The following KATNAL2 variants were observed in gnomAD, a reference collection of about 807,000 sequenced individuals.
KATNAL2 encodes the protein katanin p60 ATPase-containing subunit A-like 2.
KATNAL2 carries 52 observed loss-of-function variants against 76.3 expected under a neutral mutation model. The ratio of observed to expected loss-of-function variants is 0.68; its 90% confidence interval spans 0.55 to 0.86. The LOEUF (loss-of-function observed/expected upper bound fraction) is 0.86. Among genes scored for constraint, KATNAL2 ranks in the 40% least tolerant of loss-of-function variants. The probability of loss-of-function intolerance (pLI) is 0.00; values close to 1 mark genes in which losing one functional copy is unlikely to be tolerated. For missense variants in KATNAL2, 660 were observed against 668.9 expected, an observed-to-expected ratio of 0.99 and a Z score of 0.15; for synonymous variants, 243 against 244.2, an observed-to-expected ratio of 1.00 and a Z score of 0.05.
intron 6 of KATNAL2, among the ~76,000 whole-genome samples, chr18:47,056,214 G>A (rs1257832663): frequency 6.6e-6 from 1 of 152,120 alleles, no homozygotes; most frequent in Non-Finnish European, 1.5e-5. Flanking sequence ...AATAAAATAA[G>A]GTTTAAGCTC....
In KATNAL2 at chr18:47,058,309, A is replaced by G. The variant is rs1204117619; in HGVS notation, c.407A>G (p.Lys136Arg). The part of the protein sequence containing the change: ...QRPRSKTTAG[K>R]TGDTKSLNKE... The stretch of plus-strand genomic sequence containing the variant: ...CCCCGGTCCAAAACCACAGCGGGGA[A>G]GACAGGGGACACCAAATCGCTCAAT... The change falls in exon 7 of 18, where the codon AAG becomes AGG. Residue 136 changes from lysine (K) to arginine (R), a missense_variant. Transcript: ENST00000683218. The G allele has an allele frequency of 1.2e-6, 2 of 1,613,956 alleles. No individual in the cohort carries two copies. The highest frequency in any genetic ancestry group is 1.7e-5 in the Admixed American group (1 of 60,008).
At chr18:46,941,440 C>G (rs1431551298) in intron 1 of KATNAL2, among the ~76,000 whole-genome samples, 2 of 151,660 alleles carry the variant, frequency 1.3e-5, no homozygotes, top group Non-Finnish European at 2.9e-5. Flanking sequence ...TTTTCTCCAA[C>G]TAAAATTGGA....
intron 1 of KATNAL2, among the ~76,000 whole-genome samples, chr18:46,940,515 C>A (rs1383122884): frequency 6.6e-6 from 1 of 152,088 alleles, no homozygotes; most frequent in Non-Finnish European, 1.5e-5. Context: ...GGAGTTTTAA[C>A]AATATATATT....
intron 1 of KATNAL2, among the ~76,000 whole-genome samples, chr18:46,920,496 C>T (rs974227339): frequency 1.3e-5 from 2 of 152,184 alleles, no homozygotes; most frequent in Non-Finnish European, 2.9e-5. Context: ...TGCCTCTGTA[C>T]TGGCCAGTTT....
At chr18:46,955,800 A>T (rs1226791175) in intron 3 of KATNAL2, among the ~76,000 whole-genome samples, 1 of 151,798 alleles carries the variant, frequency 6.6e-6, no homozygotes, top group Non-Finnish European at 1.5e-5. Flanking sequence ...CAATCCTCCC[A>T]CTTCAGCCTT....
chr18:47,097,118 CAAAAAAAA>C, intron 15 of KATNAL2, among the ~76,000 whole-genome samples: 1 of 70,912 alleles, frequency 1.4e-5, no homozygotes, highest in East Asian at 3.5e-4. Context: ...GACCCTGGCT[CAAAAAAAA>C]AAAAAAAAAA....
At chr18:47,085,359 C>A (rs1410163123) in intron 15 of KATNAL2, among the ~76,000 whole-genome samples, 10 of 152,148 alleles carry the variant, frequency 6.6e-5, no homozygotes, top group Admixed American at 6.5e-4. Flanking sequence ...TCAAGCCAAG[C>A]TAACTTTGGG....
At chr18:46,928,715 G>A (rs955387487) in intron 1 of KATNAL2, among the ~76,000 whole-genome samples, 8 of 152,084 alleles carry the variant, frequency 5.3e-5, no homozygotes, top group Admixed American at 1.3e-4. Flanking sequence ...CCCCTGATAC[G>A]GAACATTTTC....
chr18:46,952,393 GTTTTTTTTTTT>G (rs35596537), intron 3 of KATNAL2, among the ~76,000 whole-genome samples: 4 of 64,408 alleles, frequency 6.2e-5, no homozygotes, highest in Non-Finnish European at 8.0e-5. Flanking sequence ...CTGCAGGTAT[GTTTTTTTTTTT>G]TTTTTTTTTT....
At chr18:47,100,390 A>C in intron 17 of KATNAL2, 34 bp downstream of exon 17, 1 of 1,554,358 alleles carries the variant, frequency 6.4e-7, no homozygotes, top group Non-Finnish European at 8.9e-7. Context: ...GTGTTCCAGG[A>C]ATTTGTGTAA....
chr18:47,033,677 G>T (rs373923800), intron 3 of KATNAL2: 7 of 1,614,066 alleles, frequency 4.3e-6, no homozygotes, highest in African/African-American at 2.7e-5. Flanking sequence ...CACTGCTGGC[G>T]CAGCGTCGGC....
Position 46,917,659 on chromosome 18 carries a change from G to T in KATNAL2, c.-777G>T. On this transcript the variant is annotated 5_prime_UTR_variant, in exon 1 of 18. Transcript: ENST00000683218. Reference sequence around the variant, plus strand: ...GCCCCGGCGTGCTGCCCCGCGGCTTGGCCCCGCTCGGCCCCAGGTCGTGCC... The same window carrying T: ...GCCCCGGCGTGCTGCCCCGCGGCTTTGCCCCGCTCGGCCCCAGGTCGTGCC... 1 of 638,980 alleles carries T rather than the reference G, an allele frequency of 1.6e-6. No homozygotes were observed. Among genetic ancestry groups the T allele is most frequent in the Non-Finnish European group, 2.0e-6 (1 of 511,538 alleles). The allele number at this position is 638,980 out of a possible 1,614,324, so 39.6% of individuals were successfully genotyped here.
intron 3 of KATNAL2, among the ~76,000 whole-genome samples, chr18:47,037,762 C>T (rs1471785326): frequency 6.6e-6 from 1 of 152,124 alleles, no homozygotes; most frequent in African/African-American, 2.4e-5. Flanking sequence ...TTTTATCACT[C>T]TTACCACAAA....
chr18:46,920,802 A>G (rs1404077609), intron 1 of KATNAL2, among the ~76,000 whole-genome samples: 1 of 152,150 alleles, frequency 6.6e-6, no homozygotes, highest in Admixed American at 6.5e-5. Flanking sequence ...CTTGAATCCA[A>G]CTTCCTTATA....
chr18:46,956,042 A>G (rs1224938177), intron 3 of KATNAL2, among the ~76,000 whole-genome samples: 1 of 152,204 alleles, frequency 6.6e-6, no homozygotes, highest in Non-Finnish European at 1.5e-5. Context: ...TGACTAACAT[A>G]TGATTCATAT....
chr18:47,061,505 G>A (rs1213590806), intron 8 of KATNAL2, among the ~76,000 whole-genome samples: 1 of 152,032 alleles, frequency 6.6e-6, no homozygotes, highest in East Asian at 1.9e-4. Flanking sequence ...CTCCCACCAG[G>A]CCCACCTCCA....
intron 3 of KATNAL2, chr18:47,032,751 C>T: frequency 3.3e-6 from 2 of 613,752 alleles, no homozygotes; most frequent in African/African-American, 1.8e-5. Context: ...TATCAGTGAA[C>T]ATCCAAAATA....
At chr18:47,084,955 T>TC (rs1037725779) in intron 15 of KATNAL2, among the ~76,000 whole-genome samples, 1 of 136,266 alleles carries the variant, frequency 7.3e-6, no homozygotes, top group Non-Finnish European at 1.6e-5. Flanking sequence ...ACCGTCTCCC[T>TC]CCCCTTCAGA....
intron 3 of KATNAL2, among the ~76,000 whole-genome samples, chr18:47,031,386 A>G (rs949226604): frequency 2.8e-5 from 4 of 143,932 alleles, no homozygotes; most frequent in Non-Finnish European, 6.0e-5. Flanking sequence ...GTAATTTTTA[A>G]TTTCTCGTGT....
Sources: gnomAD v4.1 joint callset for allele counts (sites outside exome capture counted in the v4.1 genomes callset) on GRCh38, gnomAD v4.1.1 for gene constraint, MANE v1.5 for transcripts, NCBI Gene and HGNC (gene_info 2026-07-23, HGNC 2026-07-21) for gene names.